ALK: variants seen among roughly 807,000 people sequenced by gnomAD.
The protein encoded by ALK is ALK receptor tyrosine kinase.
ALK carries 74 observed loss-of-function variants against 163.1 expected under a neutral mutation model. The ratio of observed to expected loss-of-function variants is 0.45; its 90% confidence interval spans 0.38 to 0.55. The LOEUF is 0.55. Among genes scored for constraint, ALK ranks in the 20% least tolerant of loss-of-function variants. The probability of loss-of-function intolerance (pLI) is 0.00; values close to 1 mark genes in which losing one functional copy is unlikely to be tolerated. For synonymous variants in ALK, 960 were observed against 843.2 expected (o/e 1.14, Z -2.40); for missense variants, 2,063 against 2,105.3 (o/e 0.98, Z 0.39).
At position 29,557,912 on chromosome 2, in the gene ALK, T is replaced by A. The variant is rs141882649; in HGVS notation, c.953-25796A>T. Among the ~76,000 whole-genome samples, 73 of 152,252 alleles carry A rather than the reference T, an allele frequency of 4.8e-4. No individual in the cohort carries two copies. The East Asian group carries it at 6.6e-3, about 14-fold the overall frequency. The stretch of plus-strand genomic sequence containing the variant: ...GTCTAAGCTTATACTCATGCGCTCT[T>A]TCGAAGCCCTGGCAAAGGAGTCCTC... On this transcript the variant is annotated intron_variant, in intron 3 of 28. Coordinates refer to ENST00000389048, the MANE Select transcript of ALK (RefSeq NM_004304.5).
intron 9 of ALK, chr2:29,286,895 T>C (rs1204208830): frequency 6.6e-6 from 1 of 152,062 alleles, no homozygotes; most frequent in Non-Finnish European, 1.5e-5. Context: ...ATGAGAGCTA[T>C]ATTCCTTGAC....
intron 5 of ALK, among the ~76,000 whole-genome samples, chr2:29,331,329 G>T (rs1667432906): frequency 6.6e-6 from 1 of 152,106 alleles, no homozygotes; most frequent in Non-Finnish European, 1.5e-5. Context: ...CTTATACATG[G>T]ATCTCACCCA....
intron 2 of ALK, among the ~76,000 whole-genome samples, chr2:29,716,637 T>C (rs1463439463): frequency 6.6e-6 from 1 of 152,160 alleles, no homozygotes; most frequent in Non-Finnish European, 1.5e-5. Context: ...TCTGGCTTGG[T>C]AGCTGGAGAA....
At chr2:29,456,191 C>T (rs745465153) in intron 4 of ALK, among the ~76,000 whole-genome samples, 22 of 152,058 alleles carry the variant, frequency 1.4e-4, no homozygotes, top group African/African-American at 7.2e-5. Flanking sequence ...ATAGAATTGT[C>T]GTATGCTCCA....
intron 1 of ALK, among the ~76,000 whole-genome samples, chr2:29,863,813 G>A (rs1177076200): frequency 4.6e-5 from 7 of 152,100 alleles, no homozygotes; most frequent in Non-Finnish European, 8.8e-5. Context: ...ACGTCAAAGA[G>A]ATATCTGCAC....
chr2:29,264,080 G>A (rs763116096), intron 11 of ALK, among the ~76,000 whole-genome samples: 1 of 152,192 alleles, frequency 6.6e-6, no homozygotes, highest in Non-Finnish European at 1.5e-5. Context: ...TTGACTGCAC[G>A]TGGCCTTCTG....
intron 1 of ALK, among the ~76,000 whole-genome samples, chr2:29,818,380 T>A (rs2148376607): frequency 6.6e-6 from 1 of 152,370 alleles, no homozygotes; most frequent in East Asian, 1.9e-4. Context: ...AAGGTTTTCA[T>A]TTTAATCACG....
At chr2:29,580,046 A>C (rs1009519839) in intron 3 of ALK, among the ~76,000 whole-genome samples, 4 of 152,220 alleles carry the variant, frequency 2.6e-5, no homozygotes, top group African/African-American at 9.6e-5. Flanking sequence ...CACAGAATTT[A>C]TAACGCAGAA....
At chr2:29,412,736 A>G (rs1223221951) in intron 4 of ALK, among the ~76,000 whole-genome samples, 1 of 152,242 alleles carries the variant, frequency 6.6e-6, no homozygotes, top group African/African-American at 2.4e-5. Flanking sequence ...TAAACCATCT[A>G]GAGCTAGCAG....
chr2:29,400,484 G>A (rs985341966), intron 4 of ALK, among the ~76,000 whole-genome samples: 1 of 152,112 alleles, frequency 6.6e-6, no homozygotes, highest in Non-Finnish European at 1.5e-5. Context: ...GCTGCTGACC[G>A]AGGTCCCAGG....
chr2:29,407,382 A>G (rs1459795376), intron 4 of ALK, among the ~76,000 whole-genome samples: 1 of 152,258 alleles, frequency 6.6e-6, no homozygotes, highest in African/African-American at 2.4e-5. Context: ...TGTGTTAAGC[A>G]CTTCTAAGCC....
At chr2:29,715,227 A>T (rs1679211643) in intron 2 of ALK, among the ~76,000 whole-genome samples, 1 of 152,212 alleles carries the variant, frequency 6.6e-6, no homozygotes, top group Non-Finnish European at 1.5e-5. Context: ...AGGAACCACC[A>T]ATGAAGAATC....
chr2:29,500,267 C>A (rs868396335), intron 4 of ALK, among the ~76,000 whole-genome samples: 1 of 152,164 alleles, frequency 6.6e-6, no homozygotes, highest in Non-Finnish European at 1.5e-5. Context: ...CGGTACTGTT[C>A]TTGTGATAGT....
intron 4 of ALK, among the ~76,000 whole-genome samples, chr2:29,404,473 C>T (rs1401570204): frequency 6.6e-6 from 1 of 152,124 alleles, no homozygotes; most frequent in African/African-American, 2.4e-5. Flanking sequence ...TGTGGAGAAC[C>T]TGTTACATCA....
At chr2:29,651,231 C>T (rs116747208) in intron 3 of ALK, among the ~76,000 whole-genome samples, 2,122 of 152,222 alleles carry the variant, frequency 0.014, 44 homozygotes, top group African/African-American at 0.048. Flanking sequence ...GTGGGGGCTG[C>T]GCTTCAAGCT....
intron 1 of ALK, among the ~76,000 whole-genome samples, chr2:29,793,651 C>T (rs987281179): frequency 2.6e-5 from 4 of 152,128 alleles, no homozygotes; most frequent in Non-Finnish European, 5.9e-5. Flanking sequence ...AATTAATTTT[C>T]TTGTACATCT....
At chr2:29,308,339 A>G (rs560945203) in intron 8 of ALK, among the ~76,000 whole-genome samples, 30 of 129,132 alleles carry the variant, frequency 2.3e-4, no homozygotes, top group African/African-American at 7.6e-4. Flanking sequence ...GGCAATTTCA[A>G]TTTTCTTCTT....
intron 4 of ALK, among the ~76,000 whole-genome samples, chr2:29,439,462 T>A (rs10178707): frequency 0.043 from 6,596 of 152,266 alleles, 272 homozygotes; most frequent in African/African-American, 0.1. Flanking sequence ...GAAGGTGCTA[T>A]TTGCTGAAAC....
chr2:29,859,424 C>T (rs1334865849), intron 1 of ALK, among the ~76,000 whole-genome samples: 1 of 152,214 alleles, frequency 6.6e-6, no homozygotes, highest in Non-Finnish European at 1.5e-5. Context: ...GCCAAAACTG[C>T]TGAGAACAAA....
Sources: gnomAD v4.1 joint callset for allele counts (sites outside exome capture counted in the v4.1 genomes callset) on GRCh38, gnomAD v4.1.1 for gene constraint, MANE v1.5 for transcripts, NCBI Gene and HGNC (gene_info 2026-07-23, HGNC 2026-07-21) for gene names.